The following KIF5C variants were observed in gnomAD, a reference collection of about 807,000 sequenced individuals.
KIF5C encodes the protein kinesin family member 5C.
Under a neutral mutation model 125.2 loss-of-function variants are expected in KIF5C, and 18 were observed. The observed-to-expected ratio is 0.14, with a 90% confidence interval of 0.10 to 0.21. The LOEUF is 0.21. Among genes scored for constraint, KIF5C ranks in the 10% least tolerant of loss-of-function variants. The pLI is 1.00. For synonymous variants in KIF5C, 405 were observed against 434.0 expected, an observed-to-expected ratio of 0.93 and a Z score of 0.83; for missense variants, 780 against 1,183.8, an observed-to-expected ratio of 0.66 and a Z score of 5.01.
At chr2:148,911,789 G>C (rs919234211) in intron 1 of KIF5C, among the ~76,000 whole-genome samples, 4 of 152,100 alleles carry the variant, frequency 2.6e-5, no homozygotes, top group African/African-American at 9.7e-5. Context: ...CCTGAGCCTT[G>C]GTGTATATTA....
chr2:148,941,959 A>C lies in KIF5C; in HGVS notation c.470A>C (p.His157Pro), dbSNP rs1426476246. 6.2e-7 allele frequency: 1 copy of C among 1,612,106 alleles called. No individual in the cohort carries two copies. The highest frequency in any genetic ancestry group is 1.7e-5 in the Admixed American group (1 of 59,704). ...LDVSKTNLAVHEDKNRVPYVK... is the reference protein window; with the variant it reads ...LDVSKTNLAVPEDKNRVPYVK... Reference sequence around the variant, plus strand: ...GTATCCAAGACCAACTTGGCTGTTCATGAAGATAAAAACAGAGTCCCGTAT... The same window carrying C: ...GTATCCAAGACCAACTTGGCTGTTCCTGAAGATAAAAACAGAGTCCCGTAT... Residue 157 changes from histidine to proline, a missense_variant, in exon 6 of 26, where the codon CAT (histidine) becomes CCT (proline). Physicochemically the swap from His to Pro is moderately conservative, Grantham distance 77 (BLOSUM62 -2). Around this residue, in one of 2 missense-constraint regions of KIF5C, gnomAD observed 207 missense variants for 441.2 expected, o/e 0.47. Transcript: ENST00000435030.
At chr2:148,935,791 A>C (rs559091903) in intron 3 of KIF5C, among the ~76,000 whole-genome samples, 1 of 152,346 alleles carries the variant, frequency 6.6e-6, no homozygotes, top group East Asian at 1.9e-4. Context: ...TATCCTATTT[A>C]ACTTGAATTC....
chr2:148,889,065 A>G (rs531692251), intron 1 of KIF5C, among the ~76,000 whole-genome samples: 244 of 152,326 alleles, frequency 1.6e-3, no homozygotes, highest in Non-Finnish European at 3.0e-3. Flanking sequence ...TTTCTGGAGT[A>G]TAAATTCTCC....
intron 16 of KIF5C, among the ~76,000 whole-genome samples, chr2:148,993,022 G>A (rs1178402048): frequency 1.3e-5 from 2 of 152,186 alleles, no homozygotes; most frequent in African/African-American, 4.8e-5. Flanking sequence ...TTTGCACCCG[G>A]TGTGAACTGA....
chr2:148,973,359 C>G lies in KIF5C; in HGVS notation c.1141C>G (p.Gln381Glu). Residue 381 changes from glutamine (Q) to glutamate (E), a missense_variant, in exon 12 of 26, where the codon CAG becomes GAG. Around this residue, in one of 2 missense-constraint regions of KIF5C, gnomAD observed 573 missense variants for 742.6 expected, o/e 0.77. Transcript: ENST00000435030. ...RNGEAVPEDE[Q>E]ISAKDQKNLE... ...AGGAGAAGCTGTGCCTGAGGATGAACAGATCAGTGCCAAGGACCAGAAGAA... is the reference window on the plus strand; with the variant it reads ...AGGAGAAGCTGTGCCTGAGGATGAAGAGATCAGTGCCAAGGACCAGAAGAA... 3 of 1,612,750 alleles carry G rather than the reference C, an allele frequency of 1.9e-6. No individual in the cohort carries two copies. The highest frequency in any genetic ancestry group is 2.5e-6 in the Non-Finnish European group (3 of 1,179,432).
chr2:148,909,150 C>T (rs544291257), intron 1 of KIF5C, among the ~76,000 whole-genome samples: 1 of 152,340 alleles, frequency 6.6e-6, no homozygotes, highest in African/African-American at 2.4e-5. Context: ...GGCTTTGCAG[C>T]ACTGGGCTCT....
intron 1 of KIF5C, among the ~76,000 whole-genome samples, chr2:148,914,139 A>T (rs80269623): frequency 0.063 from 9,604 of 152,254 alleles, 396 homozygotes; most frequent in Middle Eastern, 0.18. Flanking sequence ...AATATAGGTA[A>T]ATTGATCAAG....
chr2:148,908,504 C>T (rs13032506), intron 1 of KIF5C, among the ~76,000 whole-genome samples: 5,309 of 152,266 alleles, frequency 0.035, 126 homozygotes, highest in Non-Finnish European at 0.048. Context: ...CTGACCTTAG[C>T]GTAGTAGGAG....
intron 24 of KIF5C, 64 bp from the exon 25 acceptor site, chr2:149,011,506 T>C (rs1682194456): frequency 6.3e-7 from 1 of 1,593,968 alleles, no homozygotes; most frequent in African/African-American, 1.3e-5. Context: ...CCTGTAGATA[T>C]CAGGGTTGCT....
intron 10 of KIF5C, among the ~76,000 whole-genome samples, chr2:148,957,592 T>TAAAAAAAAAAAAA (rs201033625): frequency 1.4e-5 from 1 of 71,824 alleles, no homozygotes; most frequent in African/African-American, 4.1e-5. Flanking sequence ...TTTGTTCTAG[T>TAAAAAAAAAAAAA]AAAAAAAAAA....
intron 25 of KIF5C, among the ~76,000 whole-genome samples, chr2:149,012,447 C>T (rs1255884917): frequency 6.6e-6 from 1 of 152,180 alleles, no homozygotes; most frequent in Non-Finnish European, 1.5e-5. Context: ...GAACATTGTC[C>T]TTGGACTCTA....
intron 1 of KIF5C, among the ~76,000 whole-genome samples, chr2:148,912,159 A>T (rs1177752136): frequency 6.6e-6 from 1 of 152,216 alleles, no homozygotes; most frequent in Admixed American, 6.5e-5. Flanking sequence ...TGAGTCCATT[A>T]GTGGTTCAAA....
At chr2:148,933,466 G>A (rs1558903620) in intron 3 of KIF5C, among the ~76,000 whole-genome samples, 1 of 150,328 alleles carries the variant, frequency 6.7e-6, no homozygotes, top group African/African-American at 2.5e-5. Context: ...CACATACATC[G>A]TAAACACACA....
At chr2:148,993,555 G>A (rs961065908) in intron 16 of KIF5C, among the ~76,000 whole-genome samples, 3 of 152,066 alleles carry the variant, frequency 2.0e-5, no homozygotes, top group African/African-American at 4.8e-5. Context: ...ATTCATCCTC[G>A]TCACCAAAAA....
At chr2:149,001,734 A>G (rs894424504) in intron 21 of KIF5C, among the ~76,000 whole-genome samples, 16 of 152,192 alleles carry the variant, frequency 1.1e-4, no homozygotes, top group African/African-American at 3.9e-4. Flanking sequence ...TAGCCTCTCC[A>G]TTTGGTGAAA....
rs527811251 is a variant in KIF5C at position 148,935,531 on chromosome 2, G to A, written c.292-1753G>A. ...TCTCCATGGTTCAGAGCATGTGGAGGTCCATTGTCTAATTTGTTACACATT... is the reference window on the plus strand; with the variant it reads ...TCTCCATGGTTCAGAGCATGTGGAGATCCATTGTCTAATTTGTTACACATT... On this transcript the variant is annotated intron_variant, in intron 3 of 25. Transcript: ENST00000435030. Among the ~76,000 whole-genome samples, 32 of 152,296 alleles carry A rather than the reference G, an allele frequency of 2.1e-4. No individual in the cohort carries two copies. In the South Asian group the frequency reaches 6.6e-3, roughly 32 times the overall value.
In KIF5C at chr2:149,009,082, T is replaced by C. The variant is rs1010608599; in HGVS notation, c.2550+1015T>C. 4.0e-5 allele frequency among the ~76,000 whole-genome samples: 6 copies of C among 150,584 alleles called. 1 individual carries two copies. The highest frequency in any genetic ancestry group is 3.3e-4 in the Admixed American group (5 of 15,112). On this transcript the variant is annotated intron_variant, in intron 23 of 25. Transcript: ENST00000435030. ...TCTGCTCAGTGCAACCTCTGCCTCC[T>C]GGGTTCAAGAGATTCTCCTGCCTCA...
chr2:148,978,859 G>A (rs746850711), intron 12 of KIF5C, 63 bp from the exon 13 acceptor site: 2 of 1,520,992 alleles, frequency 1.3e-6, no homozygotes, highest in African/African-American at 1.4e-5. Context: ...CCTGTCACTG[G>A]GAGACTGGGA....
intron 15 of KIF5C, among the ~76,000 whole-genome samples, chr2:148,985,265 A>G (rs1681349338): frequency 6.6e-6 from 1 of 152,214 alleles, no homozygotes; most frequent in South Asian, 2.1e-4. Flanking sequence ...TGTTGTTATT[A>G]ACCAAAAAGA....
Sources: allele counts gnomAD v4.1 joint callset (sites outside exome capture counted in the v4.1 genomes callset), GRCh38; gene constraint gnomAD v4.1.1; regional missense constraint gnomAD v4.1.1; transcripts MANE v1.5; gene names NCBI Gene and HGNC (gene_info 2026-07-23, HGNC 2026-07-21).